RAB7A: variants seen among roughly 807,000 people sequenced by gnomAD.
RAB7A encodes the protein ras-related protein Rab-7a.
In RAB7A, 2 loss-of-function variants were observed where a neutral mutation model predicts 24.5. That is an observed-to-expected ratio of 0.08 (90% CI 0.03 to 0.26). The LOEUF (loss-of-function observed/expected upper bound fraction) is 0.26. Ranked by LOEUF, RAB7A falls within the 10% of genes least tolerant of loss-of-function variation. The probability of loss-of-function intolerance (pLI) is 1.00; values close to 1 mark genes in which losing one functional copy is unlikely to be tolerated. For missense variants in RAB7A, 118 were observed against 255.7 expected (o/e 0.46, Z 3.67); for synonymous variants, 100 against 95.9 (o/e 1.04, Z -0.25).
At chr3:128,735,815 T>C (rs1403782958) in intron 1 of RAB7A, among the ~76,000 whole-genome samples, 3 of 152,184 alleles carry the variant, frequency 2.0e-5, no homozygotes, top group African/African-American at 4.8e-5. Context: ...CTTATGTAAC[T>C]GTTTTACTAG....
chr3:128,729,156 G>T (rs2070409271), intron 1 of RAB7A, among the ~76,000 whole-genome samples: 1 of 152,118 alleles, frequency 6.6e-6, no homozygotes, highest in Non-Finnish European at 1.5e-5. Context: ...TGCCAACTGT[G>T]TCTAAGCTCA....
chr3:128,778,171 A>G (rs1405537836), intron 1 of RAB7A, among the ~76,000 whole-genome samples: 3 of 152,210 alleles, frequency 2.0e-5, no homozygotes, highest in Admixed American at 6.5e-5. Flanking sequence ...CCAACACTGT[A>G]TAGTAGAACT....
chr3:128,793,167 G>A (rs973101130), intron 1 of RAB7A, among the ~76,000 whole-genome samples: 1 of 151,790 alleles, frequency 6.6e-6, no homozygotes, highest in Non-Finnish European at 1.5e-5. Flanking sequence ...GGGACTACAG[G>A]CACATGCCAC....
chr3:128,734,948 A>T (rs563771691), intron 1 of RAB7A, among the ~76,000 whole-genome samples: 36 of 152,210 alleles, frequency 2.4e-4, no homozygotes, highest in Non-Finnish European at 3.7e-4. Flanking sequence ...TTTTGTTTAA[A>T]TTTTTTCCAG....
chr3:128,747,475 A>G (rs902191579), intron 1 of RAB7A, among the ~76,000 whole-genome samples: 1 of 151,510 alleles, frequency 6.6e-6, no homozygotes, highest in Non-Finnish European at 1.5e-5. Flanking sequence ...AATACCAGCT[A>G]CTTGGGAGGC....
intron 1 of RAB7A, among the ~76,000 whole-genome samples, chr3:128,744,814 AT>A (rs1449161700): frequency 6.6e-6 from 1 of 150,454 alleles, no homozygotes; most frequent in Non-Finnish European, 1.5e-5. Flanking sequence ...ACTTGTAATA[AT>A]TTTTTGCTGT....
intron 1 of RAB7A, among the ~76,000 whole-genome samples, chr3:128,767,885 G>A (rs966739150): frequency 6.6e-6 from 1 of 152,122 alleles, no homozygotes; most frequent in African/African-American, 2.4e-5. Context: ...ATTTTTTAAA[G>A]AACAGCTTCA....
intron 1 of RAB7A, among the ~76,000 whole-genome samples, chr3:128,769,625 T>G (rs2070865652): frequency 6.6e-6 from 1 of 152,240 alleles, no homozygotes; most frequent in Non-Finnish European, 1.5e-5. Context: ...AAGCTCTTAG[T>G]GTTGATGAAG....
intron 5 of RAB7A, 131 bp from the exon 6 acceptor site, chr3:128,813,196 C>T (rs1933963358): frequency 2.3e-6 from 2 of 856,132 alleles, no homozygotes; most frequent in East Asian, 2.4e-5. Flanking sequence ...TGTGGGCAGG[C>T]TCTGCTTCAC....
chr3:128,764,791 T>G (rs2107597972), intron 1 of RAB7A: 2 of 862,580 alleles, frequency 2.3e-6, no homozygotes, highest in East Asian at 4.8e-5. Context: ...GCCACCACGA[T>G]AGTTTTGCAG....
At chr3:128,797,292 G>C (rs540577881) in intron 2 of RAB7A, among the ~76,000 whole-genome samples, 3 of 152,032 alleles carry the variant, frequency 2.0e-5, no homozygotes, top group Non-Finnish European at 2.9e-5. Context: ...ACTGGCTATG[G>C]GGGGGAAGGT....
chr3:128,802,151 TC>T (rs1347349642), intron 3 of RAB7A, among the ~76,000 whole-genome samples: 1 of 152,264 alleles, frequency 6.6e-6, no homozygotes, highest in Non-Finnish European at 1.5e-5. Context: ...TATACTTGTA[TC>T]TATTTTTGGA....
intron 1 of RAB7A, among the ~76,000 whole-genome samples, chr3:128,733,148 A>G (rs778737120): frequency 6.6e-6 from 1 of 152,302 alleles, no homozygotes; most frequent in African/African-American, 2.4e-5. Flanking sequence ...AAATAAGTGG[A>G]CGGCTTAGAG....
chr3:128,813,241 C>A, intron 5 of RAB7A, 86 bp from the exon 6 acceptor site: 2 of 1,255,074 alleles, frequency 1.6e-6, no homozygotes, highest in East Asian at 2.3e-5. Flanking sequence ...CAGAAGTGAG[C>A]CCCTCCTGGG....
At chr3:128,736,006 A>G (rs945019378) in intron 1 of RAB7A, among the ~76,000 whole-genome samples, 29 of 152,228 alleles carry the variant, frequency 1.9e-4, no homozygotes, top group Admixed American at 3.9e-4. Flanking sequence ...ATTGCCTTCC[A>G]AGACACTCTT....
intron 1 of RAB7A, among the ~76,000 whole-genome samples, chr3:128,784,435 C>G (rs1342932463): frequency 2.0e-5 from 3 of 152,188 alleles, no homozygotes; most frequent in African/African-American, 7.2e-5. Context: ...CCTCTCTTGC[C>G]TGAAGGTGGC....
intron 1 of RAB7A, among the ~76,000 whole-genome samples, chr3:128,736,665 G>A (rs1018662051): frequency 2.0e-5 from 3 of 151,976 alleles, no homozygotes; most frequent in Non-Finnish European, 4.4e-5. Context: ...GTTAAATAAA[G>A]TTATTTAACA....
chr3:128,741,176 C>T (rs192628343), intron 1 of RAB7A, among the ~76,000 whole-genome samples: 13 of 152,106 alleles, frequency 8.5e-5, no homozygotes, highest in Admixed American at 8.5e-4. Context: ...CACCTCTCTC[C>T]CAGTTTATAA....
At chr3:128,809,348 T>C (rs1933868565) in intron 5 of RAB7A, among the ~76,000 whole-genome samples, 1 of 152,238 alleles carries the variant, frequency 6.6e-6, no homozygotes. Context: ...AGGTGTCACC[T>C]GTCACTGCTG....
Sources: gnomAD v4.1 joint callset for allele counts (sites outside exome capture counted in the v4.1 genomes callset) on GRCh38, gnomAD v4.1.1 for gene constraint, MANE v1.5 for transcripts, NCBI Gene and HGNC (gene_info 2026-07-23, HGNC 2026-07-21) for gene names.